The following RYR3 variants were observed in gnomAD, a reference collection of about 807,000 sequenced individuals.
RYR3 encodes the protein brain ryanodine receptor-calcium release channel.
Under a neutral mutation model 584.3 loss-of-function variants are expected in RYR3, and 207 were observed. The observed-to-expected ratio is 0.35, with a 90% CI of 0.32 to 0.40. The LOEUF (loss-of-function observed/expected upper bound fraction) is 0.40, where lower values mean the gene tolerates loss of function less well. Ranked by LOEUF, RYR3 falls within the 10% of genes least tolerant of loss-of-function variation. The probability of loss-of-function intolerance (pLI) is 1.00; values close to 1 mark genes in which losing one functional copy is unlikely to be tolerated. For synonymous variants in RYR3, 2,416 were observed against 2,248.5 expected (o/e 1.07, Z -2.11); for missense variants, 5,616 against 6,089.2 (o/e 0.92, Z 2.59).
intron 10 of RYR3, among the ~76,000 whole-genome samples, chr15:33,554,911 G>T (rs1394046027): frequency 6.6e-6 from 1 of 152,086 alleles, no homozygotes. Flanking sequence ...GTTAAAGCAG[G>T]CCATATATAT....
intron 6 of RYR3, among the ~76,000 whole-genome samples, chr15:33,540,035 T>G (rs895912441): frequency 3.3e-5 from 5 of 152,092 alleles, no homozygotes; most frequent in Non-Finnish European, 7.4e-5. Flanking sequence ...CGAGGGATGA[T>G]TAAATACTGT....
At chr15:33,687,892 C>A (rs1202414766) in intron 38 of RYR3, among the ~76,000 whole-genome samples, 2 of 152,148 alleles carry the variant, frequency 1.3e-5, no homozygotes, top group Non-Finnish European at 2.9e-5. Flanking sequence ...CCCTTCCTTA[C>A]ACCTTAGACA....
chr15:33,776,279 A>C (rs1413226438), intron 64 of RYR3, among the ~76,000 whole-genome samples: 1 of 152,238 alleles, frequency 6.6e-6, no homozygotes, highest in African/African-American at 2.4e-5. Context: ...TGAGACAACA[A>C]CACTGAGAAT....
chr15:33,608,765 C>A (rs1050499114), intron 18 of RYR3, among the ~76,000 whole-genome samples: 22 of 152,192 alleles, frequency 1.4e-4, no homozygotes, highest in Admixed American at 1.1e-3. Flanking sequence ...AGCAAATGTT[C>A]CAAAGGAAAC....
chr15:33,723,616 A>G (rs1248468449), intron 44 of RYR3, among the ~76,000 whole-genome samples: 1 of 152,166 alleles, frequency 6.6e-6, no homozygotes, highest in Non-Finnish European at 1.5e-5. Context: ...AGAGCTGGAA[A>G]GGACCCTACA....
chr15:33,321,833 A>C (rs1193063312), intron 1 of RYR3, among the ~76,000 whole-genome samples: 2 of 152,210 alleles, frequency 1.3e-5, no homozygotes, highest in Admixed American at 1.3e-4. Flanking sequence ...TTAACATTTT[A>C]AGTTGTAAAT....
At chr15:33,427,677 T>C (rs1010824296) in intron 1 of RYR3, among the ~76,000 whole-genome samples, 2 of 152,262 alleles carry the variant, frequency 1.3e-5, no homozygotes, top group Admixed American at 6.5e-5. Flanking sequence ...TGAATATTTA[T>C]GCACCTGTGC....
intron 1 of RYR3, among the ~76,000 whole-genome samples, chr15:33,413,723 C>G (rs1055325508): frequency 6.6e-6 from 1 of 152,212 alleles, no homozygotes. Flanking sequence ...CCTGTTCCCC[C>G]CCGCTCAGCT....
Position 33,865,114 on chromosome 15 carries a change from T to C in RYR3, c.14518-17T>C, listed in dbSNP as rs1384401384. On this transcript the variant is annotated splice_polypyrimidine_tract_variant and intron_variant, in intron 103 of 103. Transcript: ENST00000634891. ...CTGTGGTTTAAAAATAAGCACCCGT[T>C]GTTCATATTATTTCAGGAATCTTAT... 3.1e-6 allele frequency: 5 copies of C among 1,591,330 alleles called. No homozygotes were observed. The highest frequency in any genetic ancestry group is 2.2e-5 in the East Asian group (1 of 44,760).
chr15:33,471,824 G>A (rs537993543), intron 1 of RYR3, among the ~76,000 whole-genome samples: 138 of 151,990 alleles, frequency 9.1e-4, no homozygotes, highest in Non-Finnish European at 1.5e-3. Context: ...AACTTCCATG[G>A]CCCCTGCTTT....
intron 52 of RYR3, among the ~76,000 whole-genome samples, chr15:33,744,803 A>G (rs900021666): frequency 6.6e-6 from 1 of 152,312 alleles, no homozygotes. Flanking sequence ...GTGAGAGATA[A>G]GTCTGGAGAG....
At chr15:33,837,602 T>C in intron 88 of RYR3, 29 bp from the exon 89 acceptor site, 1 of 1,529,702 alleles carries the variant, frequency 6.5e-7, no homozygotes, top group South Asian at 1.3e-5. Context: ...ATTTGTATAT[T>C]TGTATGTCTT....
intron 38 of RYR3, among the ~76,000 whole-genome samples, chr15:33,676,350 A>G (rs1362256961): frequency 2.6e-5 from 4 of 152,074 alleles, no homozygotes; most frequent in Admixed American, 6.5e-5. Flanking sequence ...CTTCTCATCT[A>G]TAGAATCATA....
chr15:33,847,204 G>A (rs2078779719), intron 93 of RYR3: 1 of 152,104 alleles, frequency 6.6e-6, no homozygotes, highest in Admixed American at 6.6e-5. Context: ...AGTGTGCAGT[G>A]GCTACTAGCC....
intron 1 of RYR3, among the ~76,000 whole-genome samples, chr15:33,350,470 C>T (rs1282931326): frequency 6.6e-6 from 1 of 151,384 alleles, no homozygotes; most frequent in Non-Finnish European, 1.5e-5. Flanking sequence ...TTTTTCAGCA[C>T]CACACCACAC....
rs762056920 is a variant in RYR3, at chr15:33,844,951, ATTC to A, written c.13389_13391del (p.Phe4464del). ...ACGAGGAAGAGGAAGAAGCGATGGT[ATTC>A]TTTGTCCTTCAGGAGAGCACCGGGT... On this transcript the variant is annotated inframe_deletion, in exon 93 of 104. Coordinates refer to ENST00000634891, the MANE Select transcript of RYR3 (RefSeq NM_001036.6). The A allele has an allele frequency of 6.2e-6, 10 of 1,613,884 alleles. No homozygotes were observed. The highest frequency in any genetic ancestry group is 2.2e-5 in the East Asian group (1 of 44,888).
chr15:33,535,812 A>G (rs895744009), intron 5 of RYR3, among the ~76,000 whole-genome samples: 1 of 152,204 alleles, frequency 6.6e-6, no homozygotes, highest in African/African-American at 2.4e-5. Context: ...CACACATCAG[A>G]CTAGGTGTGA....
intron 102 of RYR3, among the ~76,000 whole-genome samples, chr15:33,861,951 C>T (rs528773266): frequency 1.3e-5 from 2 of 152,122 alleles, no homozygotes; most frequent in South Asian, 4.2e-4. Flanking sequence ...GTACCTAGAA[C>T]AATGCCTGGC....
At position 33,635,623 on chromosome 15, in the gene RYR3, C is replaced by T; in HGVS notation, c.3185C>T (p.Ala1062Val). Residue 1062 changes from alanine to valine, a missense_variant, in exon 26 of 104, where the codon GCT becomes GTT. Ala to Val is a moderately conservative substitution (Grantham distance 64, BLOSUM62 0). Coordinates refer to ENST00000634891, the MANE Select transcript of RYR3 (RefSeq NM_001036.6). ...EPSDQELADS[A>V]VEKVSIDKIR... ...TTTCTTCTCACAATAGCTGACTCGG[C>T]TGTGGAGAAGGTCAGCATAGACAAG... is the stretch of plus-strand genomic sequence containing the variant. 1.9e-6 allele frequency: 3 copies of T among 1,613,472 alleles called. No individual in the cohort carries two copies. The highest frequency in any genetic ancestry group is 2.5e-6 in the Non-Finnish European group (3 of 1,179,578).
Sources: allele counts gnomAD v4.1 joint callset (sites outside exome capture counted in the v4.1 genomes callset), GRCh38; gene constraint gnomAD v4.1.1; transcripts MANE v1.5; gene names NCBI Gene and HGNC (gene_info 2026-07-23, HGNC 2026-07-21).